The following KCTD8 variants were observed in gnomAD, a reference collection of about 807,000 sequenced individuals.
KCTD8 encodes the protein potassium channel tetramerization domain containing 8, also known as BTB/POZ domain-containing protein KCTD8.
Under a neutral mutation model 31.5 loss-of-function variants are expected in KCTD8, and 27 were observed. The ratio of observed to expected loss-of-function variants is 0.86; its 90% CI spans 0.63 to 1.18. The LOEUF is 1.18. Ranked by LOEUF, KCTD8 falls within the 50% of genes most tolerant of loss-of-function variation. The pLI, the probability that KCTD8 is intolerant of heterozygous loss-of-function variation, is 0.00. For synonymous variants in KCTD8, 290 were observed against 280.0 expected, an observed-to-expected ratio of 1.04 and a Z score of -0.36; for missense variants, 658 against 647.7, an observed-to-expected ratio of 1.02 and a Z score of -0.17.
At chr4:44,361,791 G>C (rs1719503947) in intron 1 of KCTD8, among the ~76,000 whole-genome samples, 1 of 152,032 alleles carries the variant, frequency 6.6e-6, no homozygotes, top group South Asian at 2.1e-4. Context: ...AAATCACCAA[G>C]TGGTTATAGA....
intron 1 of KCTD8, among the ~76,000 whole-genome samples, chr4:44,255,603 T>C (rs1363334329): frequency 2.0e-5 from 3 of 151,828 alleles, no homozygotes; most frequent in Admixed American, 2.0e-4. Flanking sequence ...TAATTCAATC[T>C]CACTGTTTAG....
chr4:44,345,137 A>G (rs1719006040), intron 1 of KCTD8, among the ~76,000 whole-genome samples: 1 of 152,110 alleles, frequency 6.6e-6, no homozygotes, highest in African/African-American at 2.4e-5. Context: ...TATTTTGTTC[A>G]TTTATAGTAG....
At chr4:44,337,433 C>T (rs796837690) in intron 1 of KCTD8, among the ~76,000 whole-genome samples, 4 of 151,924 alleles carry the variant, frequency 2.6e-5, no homozygotes, top group Non-Finnish European at 4.4e-5. Flanking sequence ...CCCAGCACTT[C>T]GAGAGGCCAA....
intron 1 of KCTD8, among the ~76,000 whole-genome samples, chr4:44,367,862 AATG>A (rs1018885301): frequency 1.5e-5 from 2 of 135,806 alleles, no homozygotes; most frequent in Non-Finnish European, 3.2e-5. Context: ...TGCTATCTTA[AATG>A]ATGATAGGAC....
chr4:44,361,064 A>AT (rs772808133), intron 1 of KCTD8, among the ~76,000 whole-genome samples: 184 of 151,850 alleles, frequency 1.2e-3, no homozygotes, highest in Non-Finnish European at 2.1e-3. Context: ...GCACAGTGAG[A>AT]TTTTTTTTCT....
intron 1 of KCTD8, among the ~76,000 whole-genome samples, chr4:44,203,272 G>A (rs1714202604): frequency 6.6e-6 from 1 of 152,084 alleles, no homozygotes; most frequent in African/African-American, 2.4e-5. Context: ...GGAGGCCAAG[G>A]TGGGTTGATC....
At chr4:44,214,953 G>C (rs904033307) in intron 1 of KCTD8, among the ~76,000 whole-genome samples, 4 of 152,166 alleles carry the variant, frequency 2.6e-5, no homozygotes, top group African/African-American at 9.7e-5. Flanking sequence ...ATATTTTGCA[G>C]ACTCTATATT....
intron 1 of KCTD8, among the ~76,000 whole-genome samples, chr4:44,228,938 C>T (rs1715042596): frequency 6.6e-6 from 1 of 152,174 alleles, no homozygotes; most frequent in Non-Finnish European, 1.5e-5. Flanking sequence ...TGCAAACACT[C>T]ATTGCCTTTA....
At chr4:44,267,825 C>T (rs1428189213) in intron 1 of KCTD8, among the ~76,000 whole-genome samples, 1 of 152,206 alleles carries the variant, frequency 6.6e-6, no homozygotes, top group South Asian at 2.1e-4. Flanking sequence ...CACATACATT[C>T]TCCCAAGACT....
At chr4:44,398,898 T>C (rs979582933) in intron 1 of KCTD8, among the ~76,000 whole-genome samples, 2 of 152,156 alleles carry the variant, frequency 1.3e-5, no homozygotes, top group African/African-American at 4.8e-5. Context: ...TGAGTTGAAG[T>C]CATACAATAG....
At chr4:44,444,702 A>G (rs1359221551) in intron 1 of KCTD8, among the ~76,000 whole-genome samples, 1 of 151,976 alleles carries the variant, frequency 6.6e-6, no homozygotes, top group African/African-American at 2.4e-5. Flanking sequence ...AACCAAGATC[A>G]CACAGTTGGA....
At chr4:44,251,654 T>C (rs1577575682) in intron 1 of KCTD8, among the ~76,000 whole-genome samples, 1 of 151,684 alleles carries the variant, frequency 6.6e-6, no homozygotes, top group African/African-American at 2.4e-5. Context: ...TTTATGTTAA[T>C]AGGGTTCCTT....
intron 1 of KCTD8, among the ~76,000 whole-genome samples, chr4:44,371,288 T>C (rs559211704): frequency 6.6e-6 from 1 of 152,332 alleles, no homozygotes; most frequent in East Asian, 1.9e-4. Context: ...TCTTATATTC[T>C]AATAGGTACT....
intron 1 of KCTD8, among the ~76,000 whole-genome samples, chr4:44,195,109 C>T (rs1012899923): frequency 6.6e-6 from 1 of 151,274 alleles, no homozygotes; most frequent in African/African-American, 2.4e-5. Flanking sequence ...AACTCCTGAC[C>T]TTAGGTGATC....
At chr4:44,229,981 CCT>C (rs1338184036) in intron 1 of KCTD8, among the ~76,000 whole-genome samples, 11 of 151,996 alleles carry the variant, frequency 7.2e-5, no homozygotes, top group Admixed American at 6.6e-4. Context: ...TCCCCCACCC[CCT>C]GACAGGCCCT....
At chr4:44,415,281 T>A (rs1721047920) in intron 1 of KCTD8, among the ~76,000 whole-genome samples, 1 of 152,062 alleles carries the variant, frequency 6.6e-6, no homozygotes, top group South Asian at 2.1e-4. Flanking sequence ...AACAAAGAAA[T>A]GACTTAAAGT....
intron 1 of KCTD8, among the ~76,000 whole-genome samples, chr4:44,246,533 T>C (rs1478834301): frequency 6.6e-6 from 1 of 152,076 alleles, no homozygotes; most frequent in Non-Finnish European, 1.5e-5. Flanking sequence ...TCGGAGGAAG[T>C]AGGTTTAATT....
At chr4:44,350,811 G>T (rs941338113) in intron 1 of KCTD8, among the ~76,000 whole-genome samples, 1 of 151,988 alleles carries the variant, frequency 6.6e-6, no homozygotes, top group African/African-American at 2.4e-5. Flanking sequence ...TTGATTTTCT[G>T]CCCTAATTCA....
chr4:44,232,108 T>C (rs1715134995), intron 1 of KCTD8, among the ~76,000 whole-genome samples: 1 of 152,176 alleles, frequency 6.6e-6, no homozygotes, highest in Admixed American at 6.5e-5. Context: ...TCTGATTCAA[T>C]TTGATTCATT....
Sources: gnomAD v4.1 joint callset for allele counts (sites outside exome capture counted in the v4.1 genomes callset) on GRCh38, gnomAD v4.1.1 for gene constraint, MANE v1.5 for transcripts, NCBI Gene and HGNC (gene_info 2026-07-23, HGNC 2026-07-21) for gene names.